Variants in TM9SF2 observed in about 807,000 individuals in gnomAD.
TM9SF2 encodes the protein 76 kDa membrane protein.
A neutral mutation model predicts 84.9 loss-of-function variants in TM9SF2; 13 were observed. The observed-to-expected ratio is 0.15, with a 90% confidence interval of 0.10 to 0.24. The LOEUF is 0.24. Among genes scored for constraint, TM9SF2 ranks in the 10% least tolerant of loss-of-function variants. The pLI is 1.00. For synonymous variants in TM9SF2, 273 were observed against 285.8 expected (o/e 0.96, Z 0.45); for missense variants, 562 against 818.5 (o/e 0.69, Z 3.82).
At chr13:99,503,252 A>G (rs1414161397) in intron 1 of TM9SF2, among the ~76,000 whole-genome samples, 2 of 152,240 alleles carry the variant, frequency 1.3e-5, no homozygotes, top group African/African-American at 4.8e-5. Context: ...TGCCTCAAAG[A>G]TGAAAAATAT....
At chr13:99,515,523 T>A (rs2046130114) in intron 1 of TM9SF2, among the ~76,000 whole-genome samples, 1 of 152,232 alleles carries the variant, frequency 6.6e-6, no homozygotes, top group Non-Finnish European at 1.5e-5. Context: ...GATGCTGTTG[T>A]CGGTATTACA....
In TM9SF2 at chr13:99,519,028, T is replaced by A. The variant is rs561415572; in HGVS notation, c.240-1008T>A. Among the ~76,000 whole-genome samples, 4 of 152,264 alleles carry A rather than the reference T, an allele frequency of 2.6e-5. No individual in the cohort carries two copies. In the East Asian group the frequency reaches 7.7e-4, roughly 29 times the overall value. On this transcript the variant is annotated intron_variant, in intron 2 of 16. Transcript: ENST00000376387. ...AATTTAGTTTAATTTCTCAGCTGTT[T>A]AAGAGTTTTAAAAGAAAATAGTTTG...
At chr13:99,555,756 G>A in intron 15 of TM9SF2, 109 bp downstream of exon 15, 1 of 638,064 alleles carries the variant, frequency 1.6e-6, no homozygotes, top group Non-Finnish European at 2.6e-6. Flanking sequence ...TGTTTATTAT[G>A]ATAGACATTG....
rs2046140187 is a variant in TM9SF2 at position 99,517,597 on chromosome 13, T to C, written c.172-17T>C. ...TCCTGTTGTTTATATTCTAATTTTG[T>C]GTTTCCTTATTTTCAGGCCGAAATA... On this transcript the variant is annotated splice_polypyrimidine_tract_variant and intron_variant, in intron 1 of 16. Coordinates refer to ENST00000376387, the MANE Select transcript of TM9SF2 (RefSeq NM_004800.3). 1 of 1,541,076 alleles carries C rather than the reference T, an allele frequency of 6.5e-7. No individual in the cohort carries two copies. Among genetic ancestry groups the C allele is most frequent in the Non-Finnish European group, 8.8e-7 (1 of 1,141,660 alleles).
At chr13:99,536,204 A>G (rs2046233243) in intron 4 of TM9SF2, among the ~76,000 whole-genome samples, 1 of 152,172 alleles carries the variant, frequency 6.6e-6, no homozygotes, top group Non-Finnish European at 1.5e-5. Context: ...AAGTGTCTAA[A>G]TAGTATTGTT....
Position 99,520,484 on chromosome 13 carries a change from CCT to C in TM9SF2, c.333+356_333+357del, listed in dbSNP as rs3842312. The stretch of plus-strand genomic sequence containing the variant: ...CTCAGCTGCTCTGTGTCTCTTTCCC[CCT>C]GTTTTCCAGCAGTATCTAGAGACAC... On this transcript the variant is annotated intron_variant, in intron 3 of 16. Coordinates refer to ENST00000376387, the MANE Select transcript of TM9SF2 (RefSeq NM_004800.3). Among the ~76,000 whole-genome samples, 335 of 152,308 alleles carry C rather than the reference CCT, an allele frequency of 2.2e-3. 5 individuals carry two copies. The East Asian group carries it at 0.059, about 27-fold the overall frequency.
intron 1 of TM9SF2, among the ~76,000 whole-genome samples, chr13:99,516,211 T>G (rs1386693955): frequency 2.0e-5 from 3 of 152,166 alleles, no homozygotes; most frequent in Admixed American, 2.0e-4. Context: ...CCTGCTGTGT[T>G]TTGCTGCCTT....
chr13:99,554,252 T>C (rs1224082847), intron 13 of TM9SF2, 52 bp from the exon 14 acceptor site: 1 of 1,582,046 alleles, frequency 6.3e-7, no homozygotes, highest in African/African-American at 1.4e-5. Context: ...TAGAGAAGAA[T>C]ATTTGAGACA....
rs928215133 is a variant in TM9SF2 at position 99,501,493 on chromosome 13, C to T, written c.-114C>T. The stretch of plus-strand genomic sequence containing the variant: ...TCCTAGCGCAACCGGAACTAGCCTT[C>T]TGGGGGCCGGCTTCCTTTATCTCTG... On this transcript the variant is annotated 5_prime_UTR_variant, in exon 1 of 17. Transcript: ENST00000376387. The T allele has an allele frequency of 3.6e-6, 5 of 1,382,416 alleles. No individual in the cohort carries two copies. The African/African-American group carries it at 5.9e-5, about 16-fold the overall frequency. 85.6% of individuals were successfully genotyped at this position (1,382,416 alleles called of 1,614,324 possible).
At chr13:99,554,953 G>A (rs2046319952) in intron 14 of TM9SF2, among the ~76,000 whole-genome samples, 1 of 152,218 alleles carries the variant, frequency 6.6e-6, no homozygotes, top group Admixed American at 6.5e-5. Context: ...TTCATTCTCC[G>A]ATTGCTTGTT....
At position 99,501,535 on chromosome 13, in the gene TM9SF2, C is replaced by T. The variant is rs1355631190; in HGVS notation, c.-72C>T. 5.8e-6 allele frequency: 9 copies of T among 1,547,934 alleles called. No individual in the cohort carries two copies. Among genetic ancestry groups the T allele is most frequent in the Non-Finnish European group, 7.9e-6 (9 of 1,146,230 alleles). On this transcript the variant is annotated 5_prime_UTR_variant, in exon 1 of 17. Transcript: ENST00000376387. ...TTATCTCTGGCGGCCTTGTAGTCGT[C>T]TCCGAGACTCCCCACCCCTCCTTCC... is the stretch of plus-strand genomic sequence containing the variant.
chr13:99,525,283 C>G (rs974316794), intron 3 of TM9SF2, among the ~76,000 whole-genome samples: 1 of 152,124 alleles, frequency 6.6e-6, no homozygotes, highest in Non-Finnish European at 1.5e-5. Flanking sequence ...ACTCTGTTGT[C>G]CAGGCTTGAG....
intron 2 of TM9SF2, among the ~76,000 whole-genome samples, chr13:99,519,061 G>T (rs1339493611): frequency 6.6e-6 from 1 of 152,064 alleles, no homozygotes; most frequent in African/African-American, 2.4e-5. Context: ...TTGCTGTAGA[G>T]AAAAGTATAC....
At chr13:99,549,879 C>A (rs1036729985) in intron 12 of TM9SF2, among the ~76,000 whole-genome samples, 3 of 152,194 alleles carry the variant, frequency 2.0e-5, no homozygotes, top group Admixed American at 2.0e-4. Context: ...CATTTGCAGG[C>A]TAGAAATGCA....
intron 3 of TM9SF2, among the ~76,000 whole-genome samples, chr13:99,524,495 A>G (rs2046173751): frequency 6.6e-6 from 1 of 152,106 alleles, no homozygotes; most frequent in Non-Finnish European, 1.5e-5. Flanking sequence ...TAGGTGTCCA[A>G]GCAGAGATGC....
intron 3 of TM9SF2, 107 bp from the exon 4 acceptor site, chr13:99,529,360 G>A (rs903595101): frequency 1.8e-5 from 17 of 929,110 alleles, no homozygotes; most frequent in Non-Finnish European, 2.5e-5. Flanking sequence ...CAATATTAAT[G>A]CACTTAAGTA....
intron 3 of TM9SF2, 99 bp from the exon 4 acceptor site, chr13:99,529,368 G>T: frequency 9.2e-7 from 1 of 1,088,098 alleles, no homozygotes; most frequent in Admixed American, 3.1e-5. Context: ...ATGCACTTAA[G>T]TAATTTAATG....
In TM9SF2 at chr13:99,563,681, T is replaced by G. The variant is rs1566576188; in HGVS notation, c.*923T>G. On this transcript the variant is annotated 3_prime_UTR_variant, in exon 17 of 17. Coordinates refer to ENST00000376387, the MANE Select transcript of TM9SF2 (RefSeq NM_004800.3). ...CATTGTCATTAAGGAGTTTCTATTT[T>G]TGACTTGTTTTTCAAAATACAGTGT... 1 of 152,262 alleles carries G rather than the reference T, an allele frequency of 6.6e-6. No individual in the cohort carries two copies. The highest frequency in any genetic ancestry group is 6.5e-5 in the Admixed American group (1 of 15,282). 9.4% of individuals were successfully genotyped at this position (152,262 alleles called of 1,614,324 possible). A position where few individuals can be genotyped will look rare whatever the true frequency, so the allele number is the denominator to read the frequency against.
At chr13:99,533,699 C>G (rs2046221028) in intron 4 of TM9SF2, among the ~76,000 whole-genome samples, 1 of 152,124 alleles carries the variant, frequency 6.6e-6, no homozygotes. Context: ...CGCTCTGTCT[C>G]CCAGGCTGGA....
Sources: allele counts gnomAD v4.1 joint callset (sites outside exome capture counted in the v4.1 genomes callset), GRCh38; gene constraint gnomAD v4.1.1; transcripts MANE v1.5; gene names NCBI Gene and HGNC (gene_info 2026-07-23, HGNC 2026-07-21).